RPS6KL1: variants seen among roughly 807,000 people sequenced by gnomAD.
RPS6KL1 encodes the protein ribosomal protein S6 kinase-like 1.
In RPS6KL1, 41 loss-of-function variants were observed where a neutral mutation model predicts 57.0. That is an observed-to-expected ratio of 0.72 (90% CI 0.56 to 0.93). RPS6KL1 has a LOEUF of 0.93. RPS6KL1 is among the 40% of genes least tolerant of loss of function. The pLI is 0.00. For missense variants in RPS6KL1, 697 were observed against 727.7 expected (o/e 0.96, Z 0.49); for synonymous variants, 287 against 309.7 (o/e 0.93, Z 0.77).
Position 74,907,128 on chromosome 14 carries a change from CAGAG to C in RPS6KL1, c.1540-8_1540-5del, listed in dbSNP as rs780937211. The C allele has an allele frequency of 6.2e-7, 1 of 1,605,186 alleles. No individual in the cohort carries two copies. Among genetic ancestry groups the C allele is most frequent in the Non-Finnish European group, 8.5e-7 (1 of 1,175,562 alleles). On this transcript the variant is annotated splice_polypyrimidine_tract_variant and splice_region_variant and intron_variant, in intron 11 of 11. Transcript: ENST00000557413. Reference sequence around the variant, plus strand: ...GGGTAGGCTCGAACTGCAGCAGCTGCAGAGAGAGGCCCAGTCAGCTGGGCCACTC... The same window carrying C: ...GGGTAGGCTCGAACTGCAGCAGCTGCAGAGGCCCAGTCAGCTGGGCCACTC...
chr14:74,909,639 A>G lies in RPS6KL1; in HGVS notation c.1174T>C (p.Trp392Arg). 1 of 1,611,468 alleles carries G rather than the reference A, an allele frequency of 6.2e-7. No homozygotes were observed. The highest frequency in any genetic ancestry group is 8.5e-7 in the Non-Finnish European group (1 of 1,179,946). Residue 392 changes from tryptophan (W) to arginine (R), a missense_variant, in exon 8 of 12, where the codon TGG (tryptophan) becomes CGG (arginine). Physicochemically the swap from Trp to Arg is moderately radical, Grantham distance 101. Transcript: ENST00000557413. ...AGCGCTACCAGCATCTCTGCCGCCC[A>G]CTGCTTCACCTGCTCCTCTCTCACA... Reference protein sequence around the residue: ...WSVREEQVKQWAAEMLVALEA... With the variant: ...WSVREEQVKQRAAEMLVALEA...
intron 6 of RPS6KL1, 29 bp from the exon 7 acceptor site, chr14:74,911,409 C>A (rs781166668): frequency 3.1e-6 from 5 of 1,592,836 alleles, no homozygotes; most frequent in Non-Finnish European, 4.3e-6. Context: ...GCAGATCAGC[C>A]GGGGACAGGC....
Position 74,906,393 on chromosome 14 carries a change from G to A in RPS6KL1, c.*621C>T. 1 of 338,768 alleles carries A rather than the reference G, an allele frequency of 3.0e-6. No individual in the cohort carries two copies. The highest frequency in any genetic ancestry group is 3.7e-5 in the Admixed American group (1 of 26,740). 21.0% of individuals were successfully genotyped at this position (338,768 alleles called of 1,614,324 possible). On this transcript the variant is annotated 3_prime_UTR_variant, in exon 12 of 12. Coordinates refer to ENST00000557413, the MANE Select transcript of RPS6KL1 (RefSeq NM_031464.5). Reference sequence around the variant, plus strand: ...TCTGAAATCACAAGATAGGGGGCATGGTCAGGAATCGGGGGTGGGGGGGTG... The same window carrying A: ...TCTGAAATCACAAGATAGGGGGCATAGTCAGGAATCGGGGGTGGGGGGGTG...
Position 74,909,650 on chromosome 14 carries a change from T to G in RPS6KL1, c.1163A>C (p.Gln388Pro). ...CATCTCTGCCGCCCACTGCTTCACC[T>G]GCTCCTCTCTCACACTCCAGGTGGC... ...GRATWSVREE[Q>P]VKQWAAEMLV... Residue 388 changes from glutamine to proline, a missense_variant, in exon 8 of 12, where the codon CAG (glutamine) becomes CCG (proline). Physicochemically the swap from Gln to Pro is moderately conservative, Grantham distance 76. Transcript: ENST00000557413. 1 of 1,611,034 alleles carries G rather than the reference T, an allele frequency of 6.2e-7. No individual in the cohort carries two copies. The highest frequency in any genetic ancestry group is 8.5e-7 in the Non-Finnish European group (1 of 1,179,940).
intron 7 of RPS6KL1, 142 bp downstream of exon 7, chr14:74,911,106 A>C (rs1196090991): frequency 1.3e-6 from 1 of 751,236 alleles, no homozygotes; most frequent in East Asian, 2.7e-5. Flanking sequence ...TCCTGACCTC[A>C]GTTGATCCGC....
chr14:74,921,918 C>T (rs943183977), intron 2 of RPS6KL1, 60 bp downstream of exon 2: 2 of 296,594 alleles, frequency 6.7e-6, no homozygotes, highest in South Asian at 5.2e-5. Flanking sequence ...GCTGGGATTA[C>T]AGGCACTTGC....
At chr14:74,909,043 A>C in intron 9 of RPS6KL1, 58 bp downstream of exon 9, 6 of 1,589,750 alleles carry the variant, frequency 3.8e-6, no homozygotes, top group Non-Finnish European at 3.5e-6. Flanking sequence ...GACTCTGGGC[A>C]CAACCCACAC....
chr14:74,920,101 C>A, intron 3 of RPS6KL1, 132 bp from the exon 4 acceptor site: 1 of 1,183,222 alleles, frequency 8.5e-7, no homozygotes, highest in Non-Finnish European at 1.2e-6. Context: ...CAGATTCTGC[C>A]CCCAGATTGC....
chr14:74,911,259 T>C lies in RPS6KL1; in HGVS notation c.653A>G (p.Glu218Gly). 1 of 1,612,178 alleles carries C rather than the reference T, an allele frequency of 6.2e-7. No individual in the cohort carries two copies. Among genetic ancestry groups the C allele is most frequent in the South Asian group, 1.1e-5 (1 of 91,080 alleles). ...VSEDSIFLHL[E>G]HVQGGTLWSH... ...CCAGGCCTGCTCACCTTGCACATGC[T>C]CCAGGTGCAGGAAGATGGAGTCCTC... is the stretch of plus-strand genomic sequence containing the variant. Residue 218 changes from glutamate to glycine, a missense_variant, in exon 7 of 12, where the codon GAG becomes GGG. Physicochemically the swap from Glu to Gly is moderately conservative, Grantham distance 98. Coordinates refer to ENST00000557413, the MANE Select transcript of RPS6KL1 (RefSeq NM_031464.5).
Position 74,906,469 on chromosome 14 carries a change from G to T in RPS6KL1, c.*545C>A. On this transcript the variant is annotated 3_prime_UTR_variant, in exon 12 of 12. Coordinates refer to ENST00000557413, the MANE Select transcript of RPS6KL1 (RefSeq NM_031464.5). ...CCTCATCCCTCCCTGCACAACAGAT[G>T]GCATCCCTGCTTCTGGGCCTCCCCA... The T allele has an allele frequency of 2.2e-6, 1 of 447,236 alleles. No individual in the cohort carries two copies. The allele number at this position is 447,236 out of a possible 1,614,324, so 27.7% of individuals were successfully genotyped here. A position where few individuals can be genotyped will look rare whatever the true frequency, so the allele number is the denominator to read the frequency against.
rs1388796109 is a variant in RPS6KL1, at chr14:74,911,633, G to A, written c.531+161C>T. On this transcript the variant is annotated intron_variant, in intron 6 of 11. Transcript: ENST00000557413. Reference sequence around the variant, plus strand: ...TGTATGTGTATGTGTGTGTGTGCATGCATGTGTGTCCATCTGGAAAGTGGG... The same window carrying A: ...TGTATGTGTATGTGTGTGTGTGCATACATGTGTGTCCATCTGGAAAGTGGG... 3.8e-5 allele frequency: 27 copies of A among 711,636 alleles called. No homozygotes were observed. The South Asian group carries it at 4.3e-4, about 11-fold the overall frequency. The allele number at this position is 711,636 out of a possible 1,614,324, so 44.1% of individuals were successfully genotyped here.
rs1454026620 is a variant in RPS6KL1 at position 74,905,133 on chromosome 14, G to A, written c.*1881C>T. Reference sequence around the variant, plus strand: ...CCATTTTATCGAAAGGAGGTCGACTGTAAGAGCTGGGACCCACAGTATTCT... The same window carrying A: ...CCATTTTATCGAAAGGAGGTCGACTATAAGAGCTGGGACCCACAGTATTCT... On this transcript the variant is annotated 3_prime_UTR_variant, in exon 12 of 12. Coordinates refer to ENST00000557413, the MANE Select transcript of RPS6KL1 (RefSeq NM_031464.5). The A allele has an allele frequency of 6.6e-6, 1 of 152,218 alleles. No homozygotes were observed. Among genetic ancestry groups the A allele is most frequent in the African/African-American group, 2.4e-5 (1 of 41,448 alleles). 9.4% of individuals were successfully genotyped at this position (152,218 alleles called of 1,614,324 possible).
At chr14:74,916,744 AAC>A (rs1431433028) in intron 5 of RPS6KL1, among the ~76,000 whole-genome samples, 1 of 152,198 alleles carries the variant, frequency 6.6e-6, no homozygotes, top group Non-Finnish European at 1.5e-5. Context: ...GGGGCCTCGA[AAC>A]ACTGGATTCC....
In RPS6KL1 at chr14:74,907,434, C is replaced by T. The variant is rs1191485781; in HGVS notation, c.1539+1G>A. On this transcript the variant is annotated splice_donor_variant, in intron 11 of 11. Coordinates refer to ENST00000557413, the MANE Select transcript of RPS6KL1 (RefSeq NM_031464.5). LOFTEE classifies it high-confidence loss of function. ...CTTCCTCTGGCCGGGCTACACCTCA[C>T]CTCAGTCAGCAGAGAGGCCGCTGGG... 1 of 1,572,840 alleles carries T rather than the reference C, an allele frequency of 6.4e-7. No homozygotes were observed. Among genetic ancestry groups the T allele is most frequent in the South Asian group, 1.2e-5 (1 of 85,688 alleles).
At chr14:74,921,649 A>C in intron 2 of RPS6KL1, 88 bp from the exon 3 acceptor site, 1 of 1,483,366 alleles carries the variant, frequency 6.7e-7, no homozygotes, top group Non-Finnish European at 8.9e-7. Context: ...TGTCAGGGAG[A>C]CTCATATTCA....
chr14:74,906,831 G>A lies in RPS6KL1; in HGVS notation c.*183C>T, dbSNP rs1884963772. 5.4e-6 allele frequency: 4 copies of A among 737,532 alleles called. No individual in the cohort carries two copies. The highest frequency in any genetic ancestry group is 2.8e-5 in the South Asian group (2 of 71,130). 45.7% of individuals were successfully genotyped at this position (737,532 alleles called of 1,614,324 possible). Reference sequence around the variant, plus strand: ...GCCCCCACCTCCAGCTTTTCCAGGAGCTGGCCCTTCCTGGGTGGTGGCCAT... The same window carrying A: ...GCCCCCACCTCCAGCTTTTCCAGGAACTGGCCCTTCCTGGGTGGTGGCCAT... On this transcript the variant is annotated 3_prime_UTR_variant, in exon 12 of 12. Coordinates refer to ENST00000557413, the MANE Select transcript of RPS6KL1 (RefSeq NM_031464.5).
In RPS6KL1 at chr14:74,918,593, G is replaced by C. The variant is rs1452003615; in HGVS notation, c.403C>G (p.Leu135Val). The C allele has an allele frequency of 6.5e-7, 1 of 1,534,362 alleles. No homozygotes were observed. The highest frequency in any genetic ancestry group is 8.7e-7 in the Non-Finnish European group (1 of 1,146,096). Residue 135 changes from leucine to valine, a missense_variant, in exon 5 of 12, where the codon CTG (leucine) becomes GTG (valine). By Grantham distance (32) the Leu-to-Val change is conservative (BLOSUM62 1). Coordinates refer to ENST00000557413, the MANE Select transcript of RPS6KL1 (RefSeq NM_031464.5). ...AGCGTGCGAATGGGCCGGAGCCTCA[G>C]GCTGCTGAAACCCTGCAGAGGAGGG... Reference protein sequence around the residue: ...GASPSAGFSSLRLRPIRTLSS... With the variant: ...GASPSAGFSSVRLRPIRTLSS...
intron 8 of RPS6KL1, 107 bp downstream of exon 8, chr14:74,909,436 C>T (rs1885512275): frequency 7.1e-7 from 1 of 1,416,438 alleles, no homozygotes; most frequent in African/African-American, 1.4e-5. Context: ...TGGCTGGGGC[C>T]AGGGAGGAGC....
chr14:74,906,290 G>T lies in RPS6KL1; in HGVS notation c.*724C>A, dbSNP rs1416485064. The T allele has an allele frequency of 3.0e-6, 1 of 333,868 alleles. No homozygotes were observed. Among genetic ancestry groups the T allele is most frequent in the South Asian group, 2.3e-5 (1 of 43,818 alleles). The allele number at this position is 333,868 out of a possible 1,614,324, so 20.7% of individuals were successfully genotyped here. On this transcript the variant is annotated 3_prime_UTR_variant, in exon 12 of 12. Transcript: ENST00000557413. ...GACTCTTGATTCTGGTTTCAGACTT[G>T]CTCTAAGGGGCAGACCCATGCATTC... is the stretch of plus-strand genomic sequence containing the variant.
Sources: allele counts gnomAD v4.1 joint callset (sites outside exome capture counted in the v4.1 genomes callset), GRCh38; gene constraint gnomAD v4.1.1; transcripts MANE v1.5; gene names NCBI Gene and HGNC (gene_info 2026-07-23, HGNC 2026-07-21).